Variants in HSD17B12 observed in about 807,000 individuals in gnomAD.
HSD17B12 encodes the protein very-long-chain 3-oxoacyl-CoA reductase.
A neutral mutation model predicts 39.3 loss-of-function variants in HSD17B12; 32 were observed. The ratio of observed to expected loss-of-function variants is 0.81; its 90% CI spans 0.61 to 1.09. HSD17B12 has a LOEUF of 1.09. Ranked by LOEUF, HSD17B12 falls within the 50% of genes least tolerant of loss-of-function variation. The pLI is 0.00. For missense variants in HSD17B12, 342 were observed against 382.9 expected, an observed-to-expected ratio of 0.89 and a Z score of 0.89; for synonymous variants, 150 against 146.7, an observed-to-expected ratio of 1.02 and a Z score of -0.16.
At chr11:43,771,084 T>G (rs1294366557) in intron 3 of HSD17B12, among the ~76,000 whole-genome samples, 1 of 152,208 alleles carries the variant, frequency 6.6e-6, no homozygotes, top group Non-Finnish European at 1.5e-5. Context: ...TCCCTACTAC[T>G]TTTTGTTTTT....
intron 3 of HSD17B12, among the ~76,000 whole-genome samples, chr11:43,758,005 T>G (rs1220839578): frequency 6.6e-6 from 1 of 152,184 alleles, no homozygotes; most frequent in Non-Finnish European, 1.5e-5. Flanking sequence ...CTAACGTTTC[T>G]ATTTTCTTAA....
intron 4 of HSD17B12, among the ~76,000 whole-genome samples, chr11:43,809,690 C>G (rs1951052088): frequency 6.6e-6 from 1 of 152,058 alleles, no homozygotes; most frequent in African/African-American, 2.4e-5. Context: ...CGTGGTGGCG[C>G]ATGCCTGTAA....
the HSD17B12 span, among the ~76,000 whole-genome samples, chr11:43,583,921 CAGCCAACT>C: frequency 6.6e-6 from 1 of 152,114 alleles, no homozygotes; most frequent in Non-Finnish European, 1.5e-5. Context: ...CCCCTGGGCC[CAGCCAACT>C]AGCTTAACTT....
At chr11:43,624,300 G>A in the HSD17B12 span, among the ~76,000 whole-genome samples, 1 of 151,886 alleles carries the variant, frequency 6.6e-6, no homozygotes, top group Admixed American at 6.6e-5. Context: ...AAAATATAAA[G>A]TTATTCTTAT....
the HSD17B12 span, among the ~76,000 whole-genome samples, chr11:43,616,730 C>T: frequency 6.9e-6 from 1 of 145,452 alleles, no homozygotes; most frequent in Non-Finnish European, 1.5e-5. Flanking sequence ...CTTTTAACCT[C>T]TATGCTGCCT....
At chr11:43,655,412 G>C in the HSD17B12 span, among the ~76,000 whole-genome samples, 1 of 152,126 alleles carries the variant, frequency 6.6e-6, no homozygotes, top group Non-Finnish European at 1.5e-5. Context: ...TCTCCTGCCT[G>C]ATTGCCCTCG....
chr11:43,688,068 C>T (rs1405766895), intron 1 of HSD17B12, among the ~76,000 whole-genome samples: 2 of 152,002 alleles, frequency 1.3e-5, no homozygotes, highest in African/African-American at 4.8e-5. Flanking sequence ...AAAAATTAGC[C>T]AAGTGTGGTG....
At chr11:43,719,092 A>C (rs149475148) in intron 1 of HSD17B12, 1 of 770,218 alleles carries the variant, frequency 1.3e-6, no homozygotes, top group African/African-American at 1.7e-5. Context: ...CATATGTTCA[A>C]CTGGCTCCTG....
intron 1 of HSD17B12, among the ~76,000 whole-genome samples, chr11:43,748,308 C>T (rs1307279231): frequency 6.6e-6 from 1 of 152,116 alleles, no homozygotes; most frequent in Non-Finnish European, 1.5e-5. Context: ...ATGTCCTTTG[C>T]AGCAACATAG....
At position 43,700,400 on chromosome 11, in the gene HSD17B12, G is replaced by A. The variant is rs909986474; in HGVS notation, c.160+19413G>A. 5.3e-5 allele frequency among the ~76,000 whole-genome samples: 8 copies of A among 151,980 alleles called. No individual in the cohort carries two copies. The East Asian group carries it at 5.8e-4, about 11-fold the overall frequency. On this transcript the variant is annotated intron_variant, in intron 1 of 10. Transcript: ENST00000278353. The stretch of plus-strand genomic sequence containing the variant: ...AATTAAGTTATTATTGACTACAGTC[G>A]CCACATTGTGCTGCTATCAAATGGT...
At chr11:43,728,078 T>C (rs1408475666) in intron 1 of HSD17B12, among the ~76,000 whole-genome samples, 1 of 152,072 alleles carries the variant, frequency 6.6e-6, no homozygotes, top group Admixed American at 6.5e-5. Context: ...TGTTTTTTTG[T>C]TTTTTGAGAC....
chr11:43,789,849 T>A (rs1950850462), intron 3 of HSD17B12, among the ~76,000 whole-genome samples: 1 of 152,050 alleles, frequency 6.6e-6, no homozygotes, highest in Non-Finnish European at 1.5e-5. Flanking sequence ...GGAGGATCTC[T>A]TGAACCCAGA....
At chr11:43,807,133 T>C (rs914844452) in intron 4 of HSD17B12, among the ~76,000 whole-genome samples, 5 of 152,218 alleles carry the variant, frequency 3.3e-5, no homozygotes, top group African/African-American at 1.2e-4. Context: ...ATCAACCGTA[T>C]ACTAATTCAT....
chr11:43,775,764 C>T lies in HSD17B12; in HGVS notation c.283+21643C>T, dbSNP rs554794342. ...CCAATGCTATCCCTCCCCCCTCCCC[C>T]GATCCCACAACAGTCCCCAGAGTGT... On this transcript the variant is annotated intron_variant, in intron 3 of 10. Transcript: ENST00000278353. Among the ~76,000 whole-genome samples the T allele has an allele frequency of 7.7e-3, 1,124 of 146,660 alleles. 6 individuals carry two copies. The highest frequency in any genetic ancestry group is 0.027 in the African/African-American group (1,060 of 39,630).
intron 4 of HSD17B12, among the ~76,000 whole-genome samples, chr11:43,809,688 C>T (rs1316490327): frequency 1.3e-5 from 2 of 152,030 alleles, no homozygotes; most frequent in Admixed American, 6.6e-5. Context: ...GTCGTGGTGG[C>T]GCATGCCTGT....
intron 1 of HSD17B12, among the ~76,000 whole-genome samples, chr11:43,734,909 A>G (rs1590704596): frequency 6.6e-6 from 1 of 152,168 alleles, no homozygotes; most frequent in South Asian, 2.1e-4. Flanking sequence ...GAAACACCAT[A>G]CCCACTAAGC....
At chr11:43,714,542 T>A (rs999267753) in intron 1 of HSD17B12, among the ~76,000 whole-genome samples, 9 of 152,214 alleles carry the variant, frequency 5.9e-5, no homozygotes, top group Non-Finnish European at 1.2e-4. Flanking sequence ...TAGTATAGTT[T>A]GAAGTCAGGT....
At position 43,856,019 on chromosome 11, in the gene HSD17B12, C is replaced by A. The variant is rs533617306; in HGVS notation, c.*771C>A. The A allele has an allele frequency of 1.3e-5, 2 of 152,550 alleles. No individual in the cohort carries two copies. The highest frequency in any genetic ancestry group is 4.8e-5 in the African/African-American group (2 of 41,472). 9.4% of individuals were successfully genotyped at this position (152,550 alleles called of 1,614,324 possible). ...AACCCTGACCCAGAAAAGTGGCTTGCTTGGACACCCAGCTGCCTTTGTTTC... is the reference window on the plus strand; with the variant it reads ...AACCCTGACCCAGAAAAGTGGCTTGATTGGACACCCAGCTGCCTTTGTTTC... On this transcript the variant is annotated 3_prime_UTR_variant, in exon 11 of 11. Transcript: ENST00000278353.
chr11:43,700,744 A>C (rs1279357621), intron 1 of HSD17B12, among the ~76,000 whole-genome samples: 1 of 152,204 alleles, frequency 6.6e-6, no homozygotes, highest in Non-Finnish European at 1.5e-5. Flanking sequence ...GTCGACGGAC[A>C]CTTAGGTTGC....
Sources: allele counts gnomAD v4.1 joint callset (sites outside exome capture counted in the v4.1 genomes callset), GRCh38; gene constraint gnomAD v4.1.1; transcripts MANE v1.5; gene names NCBI Gene and HGNC (gene_info 2026-07-23, HGNC 2026-07-21).